The following ZNF136 variants were observed in gnomAD, a reference collection of about 807,000 sequenced individuals.
The protein encoded by ZNF136 is zinc finger protein 136 (clone pHZ-20).
In ZNF136, 8 loss-of-function variants were observed where a neutral mutation model predicts 11.4. The ratio of observed to expected loss-of-function variants is 0.70; its 90% CI spans 0.41 to 1.27. The LOEUF (loss-of-function observed/expected upper bound fraction) is 1.27. ZNF136 is among the 50% of genes most tolerant of loss of function. The probability of loss-of-function intolerance (pLI) is 0.01; values close to 1 mark genes in which losing one functional copy is unlikely to be tolerated. For missense variants in ZNF136, 590 were observed against 656.5 expected (o/e 0.90, Z 1.11); for synonymous variants, 190 against 207.1 (o/e 0.92, Z 0.71).
chr19:12,173,854 A>T (rs1298503188), intron 1 of ZNF136, among the ~76,000 whole-genome samples: 2 of 151,844 alleles, frequency 1.3e-5, no homozygotes, highest in Admixed American at 6.6e-5. Flanking sequence ...TTCATAATCG[A>T]ATCGGTTTGG....
At chr19:12,178,820 C>G (rs1362330381) in intron 1 of ZNF136, among the ~76,000 whole-genome samples, 1 of 151,938 alleles carries the variant, frequency 6.6e-6, no homozygotes, top group Non-Finnish European at 1.5e-5. Context: ...GTAACCCTGT[C>G]TCTACTAAAA....
At chr19:12,178,373 T>C (rs1055042991) in intron 1 of ZNF136, among the ~76,000 whole-genome samples, 1 of 152,228 alleles carries the variant, frequency 6.6e-6, no homozygotes, top group African/African-American at 2.4e-5. Flanking sequence ...TTCTGCAGTG[T>C]CTGGTTTCAC....
At chr19:12,176,025 T>G (rs1914781974) in intron 1 of ZNF136, among the ~76,000 whole-genome samples, 1 of 152,224 alleles carries the variant, frequency 6.6e-6, no homozygotes, top group African/African-American at 2.4e-5. Flanking sequence ...CATTTATTTT[T>G]AGTACCTCCA....
chr19:12,181,472 T>C (rs1402193376), intron 1 of ZNF136, among the ~76,000 whole-genome samples: 1 of 150,620 alleles, frequency 6.6e-6, no homozygotes. Context: ...TTTTTGCATT[T>C]GTTTTTGTTT....
At chr19:12,165,115 T>C (rs1977167713) in intron 1 of ZNF136, among the ~76,000 whole-genome samples, 1 of 152,222 alleles carries the variant, frequency 6.6e-6, no homozygotes, top group Non-Finnish European at 1.5e-5. Context: ...TCCTGTCCTT[T>C]GTATTCTCTC....
In ZNF136 at chr19:12,164,076, G is replaced by A. The variant is rs76153398; in HGVS notation, c.3+870G>A. 9.2e-3 allele frequency among the ~76,000 whole-genome samples: 1,400 copies of A among 152,166 alleles called. 13 individuals carry two copies. Among genetic ancestry groups the A allele is most frequent in the African/African-American group, 0.029 (1,205 of 41,510 alleles). ...AGGATCTAGTGAATATTGGGTCTTG[G>A]GTGAGTCTTCCTAGAGGACAGTTGA... On this transcript the variant is annotated intron_variant, in intron 1 of 3. Transcript: ENST00000343979.
intron 1 of ZNF136, among the ~76,000 whole-genome samples, chr19:12,165,823 A>G (rs1977177698): frequency 6.6e-6 from 1 of 152,210 alleles, no homozygotes; most frequent in Non-Finnish European, 1.5e-5. Flanking sequence ...CTTTTGGGAC[A>G]TGGACCAATG....
chr19:12,171,303 GA>G (rs146612158), intron 1 of ZNF136, among the ~76,000 whole-genome samples: 10 of 151,120 alleles, frequency 6.6e-5, no homozygotes, highest in Non-Finnish European at 1.0e-4. Context: ...TTATACATTG[GA>G]AAAAAAAATC....
At chr19:12,163,350 A>C in intron 1 of ZNF136, 144 bp downstream of exon 1, 1 of 1,126,544 alleles carries the variant, frequency 8.9e-7, no homozygotes, top group Non-Finnish European at 1.1e-6. Flanking sequence ...AGCCCTTGGT[A>C]CCCTCGGCCT....
At chr19:12,174,119 G>A (rs1379380616) in intron 1 of ZNF136, among the ~76,000 whole-genome samples, 1 of 152,126 alleles carries the variant, frequency 6.6e-6, no homozygotes, top group African/African-American at 2.4e-5. Flanking sequence ...TGGTCAGGCT[G>A]GTCTCAATCT....
At chr19:12,164,375 G>A (rs185500821) in intron 1 of ZNF136, among the ~76,000 whole-genome samples, 1 of 151,770 alleles carries the variant, frequency 6.6e-6, no homozygotes, top group Admixed American at 6.6e-5. Context: ...GGGTTCAAGC[G>A]ATTCTCCTGC....
intron 1 of ZNF136, among the ~76,000 whole-genome samples, chr19:12,165,785 T>C (rs1223314282): frequency 1.3e-5 from 2 of 152,214 alleles, no homozygotes; most frequent in Non-Finnish European, 2.9e-5. Context: ...ATAATTCTTT[T>C]GTGTATTTAT....
At chr19:12,174,642 CT>C (rs760697645) in intron 1 of ZNF136, among the ~76,000 whole-genome samples, 96 of 147,198 alleles carry the variant, frequency 6.5e-4, no homozygotes, top group South Asian at 2.6e-3. Flanking sequence ...TTCTTTCTTT[CT>C]TTTTTTTTTT....
At chr19:12,174,857 C>CTT (rs538143217) in intron 1 of ZNF136, among the ~76,000 whole-genome samples, 17 of 87,224 alleles carry the variant, frequency 1.9e-4, no homozygotes, top group African/African-American at 4.4e-4. Flanking sequence ...GGATGGCTTT[C>CTT]TTTTTTTTTT....
intron 1 of ZNF136, among the ~76,000 whole-genome samples, chr19:12,170,350 T>C (rs1393501308): frequency 6.6e-6 from 1 of 152,176 alleles, no homozygotes; most frequent in Non-Finnish European, 1.5e-5. Context: ...GTTGCCAATG[T>C]AATTGTTGTT....
intron 1 of ZNF136, among the ~76,000 whole-genome samples, chr19:12,168,094 C>T (rs1441208204): frequency 6.2e-5 from 4 of 64,078 alleles, no homozygotes; most frequent in Non-Finnish European, 8.7e-5. Context: ...TTTTGTGAGA[C>T]GGAGCTTCGC....
Position 12,186,164 on chromosome 19 carries a change from A to G in ZNF136, c.181A>G (p.Arg61Gly). Reference protein sequence around the residue: ...NIKDHYKHRGRNLRSHMLERL... With the variant: ...NIKDHYKHRGGNLRSHMLERL... ...TAAAGATCACTACAAACACCGAGGG[A>G]GAAATCTAAGGTAATTTGTACTCAG... The change falls in exon 3 of 4, where the codon AGA becomes GGA. Residue 61 changes from arginine (R) to glycine (G), a missense_variant. Arg to Gly is a moderately radical substitution (Grantham distance 125). Coordinates refer to ENST00000343979, the MANE Select transcript of ZNF136 (RefSeq NM_003437.5). 1 of 1,610,080 alleles carries G rather than the reference A, an allele frequency of 6.2e-7. No homozygotes were observed. The highest frequency in any genetic ancestry group is 1.1e-5 in the South Asian group (1 of 89,394).
intron 1 of ZNF136, chr19:12,185,006 G>A (rs1439246234): frequency 1.3e-5 from 2 of 152,184 alleles, no homozygotes; most frequent in Non-Finnish European, 2.9e-5. Flanking sequence ...CAGGCCAGTG[G>A]TGTTAGATAA....
intron 1 of ZNF136, among the ~76,000 whole-genome samples, chr19:12,175,071 C>G (rs1234508985): frequency 6.6e-6 from 1 of 151,902 alleles, no homozygotes; most frequent in East Asian, 1.9e-4. Flanking sequence ...TTGACTAGCT[C>G]CAAGACAGAA....
Sources: allele counts gnomAD v4.1 joint callset (sites outside exome capture counted in the v4.1 genomes callset), GRCh38; gene constraint gnomAD v4.1.1; transcripts MANE v1.5; gene names NCBI Gene and HGNC (gene_info 2026-07-23, HGNC 2026-07-21).